PIK3R4: variants seen among roughly 807,000 people sequenced by gnomAD.
The protein encoded by PIK3R4 is phosphoinositide 3-kinase regulatory subunit 4.
In PIK3R4, 46 loss-of-function variants were observed where a neutral mutation model predicts 136.5. The ratio of observed to expected loss-of-function variants is 0.34; its 90% confidence interval spans 0.27 to 0.43. The LOEUF (loss-of-function observed/expected upper bound fraction) is 0.43, where lower values mean the gene tolerates loss of function less well. Among genes scored for constraint, PIK3R4 ranks in the 20% least tolerant of loss-of-function variants. The pLI is 1.00. For missense variants in PIK3R4, 1,331 were observed against 1,649.5 expected (o/e 0.81, Z 3.35); for synonymous variants, 557 against 566.7 (o/e 0.98, Z 0.24).
chr3:130,733,591 G>A lies in PIK3R4; in HGVS notation c.1407C>T (p.His469=). The change falls in exon 4 of 20, where the codon CAC becomes CAT. Residue 469 remains histidine (H), a synonymous_variant. Transcript: ENST00000356763. The part of the protein sequence containing the change: ...YPEYILPGIA[H]LAQDDATIVR... ...CGATAGTAGCATCATCTTGGGCTAAGTGGGCTATGCCTGGCAGAATGTATT... is the reference window on the plus strand; with the variant it reads ...CGATAGTAGCATCATCTTGGGCTAAATGGGCTATGCCTGGCAGAATGTATT... 4.3e-6 allele frequency: 7 copies of A among 1,613,968 alleles called. No individual in the cohort carries two copies. The highest frequency in any genetic ancestry group is 5.1e-6 in the Non-Finnish European group (6 of 1,179,822).
Position 130,700,857 on chromosome 3 carries a change from T to G in PIK3R4, c.3098+2866A>C, listed in dbSNP as rs182185634. 2.1e-3 allele frequency among the ~76,000 whole-genome samples: 319 copies of G among 152,294 alleles called. 1 individual carries two copies. The highest frequency in any genetic ancestry group is 7.4e-3 in the African/African-American group (308 of 41,570). On this transcript the variant is annotated intron_variant, in intron 13 of 19. Coordinates refer to ENST00000356763, the MANE Select transcript of PIK3R4 (RefSeq NM_014602.3). Reference sequence around the variant, plus strand: ...GACACACTGCATTTTCTTACCCTCTTTCCCAAGCCAAGGCCCATGGCTGGC... The same window carrying G: ...GACACACTGCATTTTCTTACCCTCTGTCCCAAGCCAAGGCCCATGGCTGGC...
intron 9 of PIK3R4, among the ~76,000 whole-genome samples, chr3:130,713,672 GTTTGT>G (rs938260042): frequency 1.3e-5 from 2 of 152,064 alleles, no homozygotes; most frequent in African/African-American, 4.8e-5. Context: ...CAAGATTAAG[GTTTGT>G]TTTGTTTTTT....
chr3:130,745,264 C>A lies in PIK3R4; in HGVS notation c.-46G>T. The A allele has an allele frequency of 2.0e-6, 3 of 1,504,988 alleles. No homozygotes were observed. The highest frequency in any genetic ancestry group is 1.4e-5 in the African/African-American group (1 of 71,542). 93.2% of individuals were successfully genotyped at this position (1,504,988 alleles called of 1,614,324 possible). The stretch of plus-strand genomic sequence containing the variant: ...TCTTTAGTAAGGTTAGGATATAATA[C>A]CTGTTTAAAATAAAAACAAATGAAG... On this transcript the variant is annotated splice_region_variant and 5_prime_UTR_variant, in exon 2 of 20. Coordinates refer to ENST00000356763, the MANE Select transcript of PIK3R4 (RefSeq NM_014602.3).
intron 2 of PIK3R4, among the ~76,000 whole-genome samples, chr3:130,741,148 T>C (rs1425652726): frequency 6.6e-6 from 1 of 152,188 alleles, no homozygotes; most frequent in Non-Finnish European, 1.5e-5. Flanking sequence ...AATCTAAGTG[T>C]ATTTGTAGGC....
chr3:130,744,487 T>G lies in PIK3R4; in HGVS notation c.732A>C (p.Ala244=), dbSNP rs1331350391. The change falls in exon 2 of 20, where the codon GCA becomes GCC. Residue 244 remains alanine, a splice_region_variant and synonymous_variant. Transcript: ENST00000356763. ...ELKRAMDIFS[A]GCVIAELFTE... is the part of the protein sequence containing the mutation. ...AGCAAATGTGACCCACTCAAATACC[T>G]GCTGAAAAGATGTCCATTGCTCTCT... is the stretch of plus-strand genomic sequence containing the variant. The G allele has an allele frequency of 1.2e-6, 2 of 1,604,724 alleles. No homozygotes were observed.
In PIK3R4 at chr3:130,722,596, TTATAA is replaced by T. The variant is rs530625632; in HGVS notation, c.1981+813_1981+817del. 3.3e-5 allele frequency among the ~76,000 whole-genome samples: 5 copies of T among 152,278 alleles called. No individual in the cohort carries two copies. The South Asian group carries it at 1.0e-3, about 32-fold the overall frequency. ...CACAGAAGCAATGTATTATGTGAAA[TTATAA>T]TAGAATAAACATATTATTCAAGTCT... On this transcript the variant is annotated intron_variant, in intron 7 of 19. Transcript: ENST00000356763.
At position 130,681,534 on chromosome 3, in the gene PIK3R4, AAT is replaced by A; in HGVS notation, c.3663_3664del (p.Arg1221SerfsTer13). On this transcript the variant is annotated frameshift_variant, in exon 17 of 20. Coordinates refer to ENST00000356763, the MANE Select transcript of PIK3R4 (RefSeq NM_014602.3). LOFTEE classifies it high-confidence loss of function. ...TGGTGCACTGCTGGCCCAGAGAGTA[AAT>A]CTTCTGTCACCAGTCTCCATGTCCC... 6.2e-7 allele frequency: 1 copy of A among 1,613,202 alleles called. No individual in the cohort carries two copies. The highest frequency in any genetic ancestry group is 8.5e-7 in the Non-Finnish European group (1 of 1,179,234).
Position 130,733,816 on chromosome 3 carries a change from G to C in PIK3R4, c.1182C>G (p.Ser394=). The C allele has an allele frequency of 1.9e-6, 3 of 1,614,150 alleles. No individual in the cohort carries two copies. The highest frequency in any genetic ancestry group is 2.5e-6 in the Non-Finnish European group (3 of 1,180,002). Residue 394 remains serine, a synonymous_variant, in exon 4 of 20, where the codon TCC becomes TCG. Coordinates refer to ENST00000356763, the MANE Select transcript of PIK3R4 (RefSeq NM_014602.3). ...GAATCAGTTCCAAAGCAGCTAGTTT[G>C]GAATCACAGTATTTAAGGGTCTGTA... ...SCLQTLKYCD[S]KLAALELILH...
chr3:130,681,454 A>C, intron 17 of PIK3R4, 37 bp downstream of exon 17: 1 of 1,209,404 alleles, frequency 8.3e-7, no homozygotes, highest in Non-Finnish European at 1.2e-6. Context: ...GATGTGGGGA[A>C]TAATATCATC....
chr3:130,739,358 G>A (rs1250624681), intron 2 of PIK3R4, among the ~76,000 whole-genome samples: 2 of 152,278 alleles, frequency 1.3e-5, no homozygotes, highest in South Asian at 2.1e-4. Context: ...TTACAGGCGT[G>A]AGCGACCGCG....
In PIK3R4 at chr3:130,733,964, A is replaced by C; in HGVS notation, c.1034T>G (p.Val345Gly). The C allele has an allele frequency of 6.2e-7, 1 of 1,614,170 alleles. No individual in the cohort carries two copies. Among genetic ancestry groups the C allele is most frequent in the Non-Finnish European group, 8.5e-7 (1 of 1,179,994 alleles). ...TFLSADERIL[V>G]IRKDLGNIIH... ...AATGTTGCCCAAATCCTTCCGTATA[A>C]CCAGAATACGCTCATCTGCAGAAAG... Residue 345 changes from valine to glycine, a missense_variant, in exon 4 of 20, where the codon GTT (valine) becomes GGT (glycine). Around this residue, in one of 2 missense-constraint regions of PIK3R4, gnomAD observed 1,180 missense variants for 1,407.0 expected, o/e 0.84. Coordinates refer to ENST00000356763, the MANE Select transcript of PIK3R4 (RefSeq NM_014602.3).
At chr3:130,742,564 T>A (rs2066830155) in intron 2 of PIK3R4, among the ~76,000 whole-genome samples, 1 of 152,204 alleles carries the variant, frequency 6.6e-6, no homozygotes, top group Non-Finnish European at 1.5e-5. Context: ...GCTAACCCTA[T>A]CTTATCAAAA....
intron 17 of PIK3R4, among the ~76,000 whole-genome samples, 198 bp downstream of exon 17, chr3:130,681,293 A>AACTT (rs1188487300): frequency 2.6e-5 from 4 of 152,320 alleles, no homozygotes; most frequent in South Asian, 2.1e-4. Flanking sequence ...ATGGGCTAGC[A>AACTT]ACTTATTTAC....
intron 16 of PIK3R4, 52 bp from the exon 17 acceptor site, chr3:130,681,643 G>C: frequency 8.9e-7 from 1 of 1,127,048 alleles, no homozygotes; most frequent in Non-Finnish European, 1.3e-6. Flanking sequence ...AGTTGGAGAA[G>C]ATTACAACAA....
intron 17 of PIK3R4, 76 bp downstream of exon 17, chr3:130,681,415 G>C (rs1450094167): frequency 2.1e-6 from 2 of 975,274 alleles, no homozygotes; most frequent in African/African-American, 3.2e-5. Context: ...ACAGATACTA[G>C]GTTTGATTAA....
At chr3:130,732,413 A>G (rs563062313) in intron 4 of PIK3R4, among the ~76,000 whole-genome samples, 2 of 149,922 alleles carry the variant, frequency 1.3e-5, no homozygotes, top group Non-Finnish European at 3.0e-5. Flanking sequence ...AATTCTGGTA[A>G]AGAAGACAGA....
At position 130,730,566 on chromosome 3, in the gene PIK3R4, A is replaced by G. The variant is rs183658670; in HGVS notation, c.1451-124T>C. On this transcript the variant is annotated intron_variant, in intron 4 of 19. Coordinates refer to ENST00000356763, the MANE Select transcript of PIK3R4 (RefSeq NM_014602.3). Reference sequence around the variant, plus strand: ...GCCTATGGGAAAAACAGAACTTTTCAATTTAGCATTTAACTTAATCAGATT... The same window carrying G: ...GCCTATGGGAAAAACAGAACTTTTCGATTTAGCATTTAACTTAATCAGATT... 1,242 of 603,322 alleles carry G rather than the reference A, an allele frequency of 2.1e-3. 4 individuals carry two copies. Among genetic ancestry groups the G allele is most frequent in the South Asian group, 2.8e-3 (89 of 31,664 alleles). The allele number at this position is 603,322 out of a possible 1,614,324, so 37.4% of individuals were successfully genotyped here.
At chr3:130,692,477 T>A (rs1024967411) in intron 13 of PIK3R4, among the ~76,000 whole-genome samples, 6 of 152,256 alleles carry the variant, frequency 3.9e-5, no homozygotes, top group African/African-American at 1.2e-4. Flanking sequence ...GTCTTTTATA[T>A]CAAGCTTCTT....
At chr3:130,721,306 C>T (rs1403471598) in intron 7 of PIK3R4, among the ~76,000 whole-genome samples, 3 of 148,344 alleles carry the variant, frequency 2.0e-5, no homozygotes, top group Non-Finnish European at 4.4e-5. Flanking sequence ...CACTGCAGTC[C>T]AGCCTGGGTG....
Sources: gnomAD v4.1 joint callset for allele counts (sites outside exome capture counted in the v4.1 genomes callset) on GRCh38, gnomAD v4.1.1 for gene constraint, gnomAD v4.1.1 regional missense constraint, MANE v1.5 for transcripts, NCBI Gene and HGNC (gene_info 2026-07-23, HGNC 2026-07-21) for gene names.